Variants in MLLT6 observed in about 807,000 individuals in gnomAD.
The protein encoded by MLLT6 is protein AF-17.
MLLT6 carries 22 observed loss-of-function variants against 103.0 expected under a neutral mutation model. That is an observed-to-expected ratio of 0.21 (90% CI 0.15 to 0.31). The LOEUF (loss-of-function observed/expected upper bound fraction) is 0.31, where lower values mean the gene tolerates loss of function less well. Ranked by LOEUF, MLLT6 falls within the 10% of genes least tolerant of loss-of-function variation. The pLI, the probability that MLLT6 is intolerant of heterozygous loss-of-function variation, is 1.00. For synonymous variants in MLLT6, 606 were observed against 623.5 expected (o/e 0.97, Z 0.42); for missense variants, 1,199 against 1,441.7 (o/e 0.83, Z 2.73).
Position 38,716,292 on chromosome 17 carries a change from C to T in MLLT6, c.1037-75C>T, listed in dbSNP as rs1026948170. 27 of 1,476,472 alleles carry T rather than the reference C, an allele frequency of 1.8e-5. No homozygotes were observed. The highest frequency in any genetic ancestry group is 2.9e-5 in the African/African-American group (2 of 70,022). 91.5% of individuals were successfully genotyped at this position (1,476,472 alleles called of 1,614,324 possible). On this transcript the variant is annotated intron_variant, in intron 9 of 19. Coordinates refer to ENST00000621332, the MANE Select transcript of MLLT6 (RefSeq NM_005937.4). The surrounding 1 kb of genome is among the most constrained non-coding windows in gnomAD (Gnocchi z 5.6). ...CCATTCGTGGACCAGAGCTCTCTCC[C>T]GCCAGTACACGCGGGAGTGGGAGGG...
At position 38,705,746 on chromosome 17, in the gene MLLT6, G is replaced by C; in HGVS notation, c.109+5G>C. 1 of 1,378,220 alleles carries C rather than the reference G, an allele frequency of 7.3e-7. No individual in the cohort carries two copies. Among genetic ancestry groups the C allele is most frequent in the Non-Finnish European group, 9.5e-7 (1 of 1,052,636 alleles). The allele number at this position is 1,378,220 out of a possible 1,614,324, so 85.4% of individuals were successfully genotyped here. On this transcript the variant is annotated splice_donor_5th_base_variant and intron_variant, in intron 1 of 19. Coordinates refer to ENST00000621332, the MANE Select transcript of MLLT6 (RefSeq NM_005937.4). ...GCAGCGTGGCCGTCCACCAAGGTAC[G>C]GGGGTGGCCCGCGGGGGGCGGCGGG...
In MLLT6 at chr17:38,727,200, C is replaced by T. The variant is rs1906083541; in HGVS notation, c.*1602C>T. 3 of 228,578 alleles carry T rather than the reference C, an allele frequency of 1.3e-5. No individual in the cohort carries two copies. The East Asian group carries it at 1.8e-4, about 14-fold the overall frequency. 14.2% of individuals were successfully genotyped at this position (228,578 alleles called of 1,614,324 possible). A position where few individuals can be genotyped will look rare whatever the true frequency, so the allele number is the denominator to read the frequency against. ...TTTTGGCAACGACAGAAACGTAGTG[C>T]AGATATATTTTTGCCTGTGCTGCTC... On this transcript the variant is annotated 3_prime_UTR_variant, in exon 20 of 20. Transcript: ENST00000621332.
intron 10 of MLLT6, 46 bp from the exon 11 acceptor site, chr17:38,717,385 TG>T: frequency 6.8e-7 from 1 of 1,472,592 alleles, no homozygotes; most frequent in Non-Finnish European, 9.2e-7. Flanking sequence ...AGCAGGAGTC[TG>T]GGGTGGAGAG....
intron 12 of MLLT6, 162 bp downstream of exon 12, chr17:38,718,115 C>G: frequency 1.2e-5 from 7 of 562,520 alleles, no homozygotes; most frequent in Non-Finnish European, 2.2e-5. Context: ...TGGCTCACGC[C>G]TGTAATCCCA....
In MLLT6 at chr17:38,706,891, C is replaced by T. The variant is rs1014295198; in HGVS notation, c.110-59C>T. On this transcript the variant is annotated intron_variant, in intron 1 of 19. Transcript: ENST00000621332. ...TGGAGTCACCGCCTTCCCCCAGTTA[C>T]CCTGGGAAAAAGCCACTGGCTGACA... The T allele has an allele frequency of 1.2e-5, 18 of 1,455,628 alleles. No individual in the cohort carries two copies. In the African/African-American group the frequency reaches 1.5e-4, roughly 12 times the overall value. 90.2% of individuals were successfully genotyped at this position (1,455,628 alleles called of 1,614,324 possible).
At position 38,707,890 on chromosome 17, in the gene MLLT6, G is replaced by A. The variant is rs751077031; in HGVS notation, c.354+18G>A. On this transcript the variant is annotated intron_variant, in intron 4 of 19. Coordinates refer to ENST00000621332, the MANE Select transcript of MLLT6 (RefSeq NM_005937.4). ...TCAACAAGGTCAGCGGCCCCCCGCC[G>A]TGTCCCCTACCAGTTCCCTCCCATC... The A allele has an allele frequency of 6.3e-5, 94 of 1,496,368 alleles. No homozygotes were observed. Among genetic ancestry groups the A allele is most frequent in the Non-Finnish European group, 8.2e-5 (88 of 1,078,526 alleles). The allele number at this position is 1,496,368 out of a possible 1,614,324, so 92.7% of individuals were successfully genotyped here.
In MLLT6 at chr17:38,727,873, G is replaced by A. The variant is rs755253102; in HGVS notation, c.*2275G>A. 7 of 233,060 alleles carry A rather than the reference G, an allele frequency of 3.0e-5. No individual in the cohort carries two copies. Among genetic ancestry groups the A allele is most frequent in the Non-Finnish European group, 5.1e-5 (6 of 117,972 alleles). 14.4% of individuals were successfully genotyped at this position (233,060 alleles called of 1,614,324 possible). A position where few individuals can be genotyped will look rare whatever the true frequency, so the allele number is the denominator to read the frequency against. On this transcript the variant is annotated 3_prime_UTR_variant, in exon 20 of 20. Transcript: ENST00000621332. ...ATTCACACCCACGCCCTTGCCCAAGGCTGGCCCACTTAGAGCGAAACTTAA... is the reference window on the plus strand; with the variant it reads ...ATTCACACCCACGCCCTTGCCCAAGACTGGCCCACTTAGAGCGAAACTTAA...
chr17:38,711,006 A>G (rs75850274), intron 6 of MLLT6, among the ~76,000 whole-genome samples: 357 of 152,316 alleles, frequency 2.3e-3, no homozygotes, highest in African/African-American at 8.3e-3. Flanking sequence ...GTTGTCCACA[A>G]GGATGGATCA....
At chr17:38,712,288 A>T (rs577435605) in intron 7 of MLLT6, among the ~76,000 whole-genome samples, 2 of 152,236 alleles carry the variant, frequency 1.3e-5, no homozygotes, top group African/African-American at 4.8e-5. Context: ...TGCACGTTGC[A>T]CACGTCTCCG....
At chr17:38,706,730 C>T in intron 1 of MLLT6, 1 of 413,124 alleles carries the variant, frequency 2.4e-6, no homozygotes, top group Non-Finnish European at 4.3e-6. Flanking sequence ...GTCAAAGACT[C>T]AGACTTCCCG....
chr17:38,719,425 G>T, intron 12 of MLLT6, 92 bp from the exon 13 acceptor site: 1 of 1,098,636 alleles, frequency 9.1e-7, no homozygotes. Context: ...AGGGATCTGC[G>T]GTGAGGTCCC....
intron 18 of MLLT6, among the ~76,000 whole-genome samples, chr17:38,723,259 G>A (rs1454595938): frequency 7.2e-5 from 11 of 152,194 alleles, no homozygotes; most frequent in African/African-American, 2.4e-5. Flanking sequence ...TCCAAGCACG[G>A]AAGACTGAGG....
Position 38,721,746 on chromosome 17 carries a change from C to G in MLLT6, c.2443-132C>G, listed in dbSNP as rs1905753524. ...GGATTCTTAGCCCTCATCCCCGGAC[C>G]TTGCTTCTTCCAGGGTGCCTGGGGG... is the stretch of plus-strand genomic sequence containing the variant. On this transcript the variant is annotated intron_variant, in intron 16 of 19. Transcript: ENST00000621332. 2 of 575,512 alleles carry G rather than the reference C, an allele frequency of 3.5e-6. 1 individual carries two copies. Among genetic ancestry groups the G allele is most frequent in the South Asian group, 4.7e-5 (2 of 42,412 alleles). The allele number at this position is 575,512 out of a possible 1,614,324, so 35.7% of individuals were successfully genotyped here.
chr17:38,705,778 G>A (rs1904882507), intron 1 of MLLT6, 37 bp downstream of exon 1: 3 of 1,094,978 alleles, frequency 2.7e-6, no homozygotes, highest in Admixed American at 3.8e-5. Context: ...CGGGACCCCG[G>A]GGGCGGCGTG....
chr17:38,721,396 G>A (rs1255483886), intron 16 of MLLT6, among the ~76,000 whole-genome samples: 1 of 152,204 alleles, frequency 6.6e-6, no homozygotes, highest in Non-Finnish European at 1.5e-5. Context: ...AGGTACTACT[G>A]TTACCCCCCA....
At chr17:38,706,914 A>G in intron 1 of MLLT6, 36 bp from the exon 2 acceptor site, 1 of 1,572,856 alleles carries the variant, frequency 6.4e-7, no homozygotes, top group East Asian at 2.3e-5. Flanking sequence ...CCACTGGCTG[A>G]CAGCTTTGCT....
In MLLT6 at chr17:38,707,026, G is replaced by A. The variant is rs1469585585; in HGVS notation, c.186G>A (p.Arg62=). The change falls in exon 2 of 20, where the codon AGG becomes AGA. Residue 62 remains arginine, a synonymous_variant. Coordinates refer to ENST00000621332, the MANE Select transcript of MLLT6 (RefSeq NM_005937.4). ...GTGAATCTCAGGAGCGAGCAGCCAG[G>A]GTGGTGAGTTCCAGACTGCCCCTCT... The part of the protein sequence containing the change: ...RKCESQERAA[R]VRCELCPHKD... 1.2e-6 allele frequency: 2 copies of A among 1,610,980 alleles called. No individual in the cohort carries two copies. The highest frequency in any genetic ancestry group is 1.7e-5 in the Admixed American group (1 of 59,916).
At chr17:38,706,843 T>A in intron 1 of MLLT6, 107 bp from the exon 2 acceptor site, 1 of 879,590 alleles carries the variant, frequency 1.1e-6, no homozygotes, top group Non-Finnish European at 1.8e-6. Context: ...CAGCCCCCAC[T>A]GCTGGAACTG....
At chr17:38,721,527 A>G (rs182450293) in intron 16 of MLLT6, among the ~76,000 whole-genome samples, 58 of 152,324 alleles carry the variant, frequency 3.8e-4, no homozygotes, top group African/African-American at 1.1e-3. Context: ...CTGCAGAGTT[A>G]CTTAACCTGT....
Sources: allele counts gnomAD v4.1 joint callset (sites outside exome capture counted in the v4.1 genomes callset), GRCh38; gene constraint gnomAD v4.1.1; non-coding constraint Gnocchi (gnomAD v3.1); transcripts MANE v1.5; gene names NCBI Gene and HGNC (gene_info 2026-07-23, HGNC 2026-07-21).